The following TAFA2 variants were observed in gnomAD, a reference collection of about 807,000 sequenced individuals.
TAFA2 encodes chemokine-like protein TAFA-2.
A neutral mutation model predicts 18.8 loss-of-function variants in TAFA2; 7 were observed. The observed-to-expected ratio is 0.37, with a 90% CI of 0.21 to 0.70. TAFA2 has a LOEUF of 0.70. Among genes scored for constraint, TAFA2 ranks in the 30% least tolerant of loss-of-function variants. TAFA2 has a pLI of 0.53. For synonymous variants in TAFA2, 60 were observed against 54.2 expected (o/e 1.11, Z -0.47); for missense variants, 122 against 158.1 (o/e 0.77, Z 1.23).
At chr12:61,760,055 C>T (rs1408306866) in intron 2 of TAFA2, among the ~76,000 whole-genome samples, 1 of 141,490 alleles carries the variant, frequency 7.1e-6, no homozygotes, top group African/African-American at 2.6e-5. Context: ...CTGATAGATG[C>T]AGGGCTTTCC....
At chr12:62,239,346 T>TA (rs2062851475) in intron 1 of TAFA2, among the ~76,000 whole-genome samples, 2 of 152,242 alleles carry the variant, frequency 1.3e-5, no homozygotes, top group Non-Finnish European at 2.9e-5. Flanking sequence ...ACCTTATCTC[T>TA]GTATTTTAAC....
At chr12:61,795,653 C>T (rs1302005363) in intron 2 of TAFA2, among the ~76,000 whole-genome samples, 2 of 150,748 alleles carry the variant, frequency 1.3e-5, no homozygotes, top group Admixed American at 6.6e-5. Context: ...TGCAGCACAC[C>T]AACATGGCAC....
chr12:61,881,801 T>C (rs2121272749), intron 1 of TAFA2, among the ~76,000 whole-genome samples: 1 of 152,020 alleles, frequency 6.6e-6, no homozygotes, highest in South Asian at 2.1e-4. Context: ...TTAAAGAACA[T>C]TCTGCATGTC....
At chr12:62,255,989 G>C (rs2062936475) in intron 1 of TAFA2, among the ~76,000 whole-genome samples, 1 of 151,838 alleles carries the variant, frequency 6.6e-6, no homozygotes, top group African/African-American at 2.4e-5. Context: ...AAGAGGATAG[G>C]CCAGGCACGT....
intron 2 of TAFA2, among the ~76,000 whole-genome samples, chr12:61,768,937 G>C (rs1013704297): frequency 6.6e-6 from 1 of 152,022 alleles, no homozygotes; most frequent in Non-Finnish European, 1.5e-5. Context: ...AGGGAGGCTT[G>C]TATCCTGGGG....
intron 1 of TAFA2, among the ~76,000 whole-genome samples, chr12:61,958,583 CTTTA>C (rs1878777609): frequency 2.0e-5 from 3 of 151,684 alleles, no homozygotes; most frequent in Non-Finnish European, 1.5e-5. Flanking sequence ...TTAAGTATCT[CTTTA>C]TTTGTCTGTT....
chr12:61,807,800 TTGCATGGGGCC>T (rs1871688098), intron 2 of TAFA2, among the ~76,000 whole-genome samples: 1 of 151,478 alleles, frequency 6.6e-6, no homozygotes, highest in Non-Finnish European at 1.5e-5. Flanking sequence ...GATTTCGGAC[TTGCATGGGGCC>T]TGTAGCCCCT....
intron 2 of TAFA2, among the ~76,000 whole-genome samples, chr12:61,846,981 C>T (rs1873431754): frequency 6.6e-6 from 1 of 152,152 alleles, no homozygotes; most frequent in Non-Finnish European, 1.5e-5. Flanking sequence ...ACTTCCCACA[C>T]AGGTTCCTCA....
chr12:62,071,088 G>C (rs1486237738), intron 1 of TAFA2, among the ~76,000 whole-genome samples: 1 of 152,212 alleles, frequency 6.6e-6, no homozygotes, highest in Non-Finnish European at 1.5e-5. Context: ...ACAGTTCTGA[G>C]TACTGTGAAT....
intron 1 of TAFA2, among the ~76,000 whole-genome samples, chr12:62,013,890 C>G (rs927979646): frequency 6.6e-6 from 1 of 152,092 alleles, no homozygotes; most frequent in African/African-American, 2.4e-5. Flanking sequence ...GGTATAATGG[C>G]AACAGGTTCT....
intron 2 of TAFA2, among the ~76,000 whole-genome samples, chr12:61,782,273 T>C (rs1870538426): frequency 6.6e-6 from 1 of 151,704 alleles, no homozygotes; most frequent in African/African-American, 2.4e-5. Flanking sequence ...TGATAAAGAC[T>C]ATGTTTGATA....
chr12:61,970,537 G>A (rs1879212394), intron 1 of TAFA2, among the ~76,000 whole-genome samples: 1 of 105,978 alleles, frequency 9.4e-6, no homozygotes, highest in South Asian at 3.1e-4. Flanking sequence ...ATTTTCAGAA[G>A]TTATAATCTT....
At chr12:61,939,055 GCTA>G (rs1224404123) in intron 1 of TAFA2, among the ~76,000 whole-genome samples, 1 of 152,100 alleles carries the variant, frequency 6.6e-6, no homozygotes, top group East Asian at 1.9e-4. Context: ...TACCCCAAAA[GCTA>G]CTGAATTCTT....
At chr12:62,153,921 A>ATTATGTTTTGTTATGTTATG (rs2062348392) in intron 1 of TAFA2, among the ~76,000 whole-genome samples, 1 of 124,024 alleles carries the variant, frequency 8.1e-6, no homozygotes, top group Non-Finnish European at 1.7e-5. Flanking sequence ...ACATAACAAA[A>ATTATGTTTTGTTATGTTATG]TTATGTTATG....
intron 4 of TAFA2, among the ~76,000 whole-genome samples, chr12:61,740,784 C>T (rs550106654): frequency 4.0e-4 from 61 of 150,746 alleles, no homozygotes; most frequent in African/African-American, 1.4e-3. Flanking sequence ...AGAACCTCAA[C>T]AAAATAATCC....
At chr12:62,111,889 G>A (rs1043256141) in intron 1 of TAFA2, among the ~76,000 whole-genome samples, 10 of 152,064 alleles carry the variant, frequency 6.6e-5, no homozygotes, top group African/African-American at 1.2e-4. Context: ...GTCTTTGCAC[G>A]TGAGATAGGT....
chr12:62,259,542 C>A (rs1156367047), upstream of TAFA2: 1 of 152,214 alleles, frequency 6.6e-6, no homozygotes, highest in Non-Finnish European at 1.5e-5. Context: ...TATTTTGTAA[C>A]ATAATCGTTG....
chr12:61,804,995 T>A (rs2120984201), intron 2 of TAFA2, among the ~76,000 whole-genome samples: 1 of 152,090 alleles, frequency 6.6e-6, no homozygotes, highest in South Asian at 2.1e-4. Flanking sequence ...CAAAGCAAGC[T>A]TTGCTATACT....
chr12:61,842,369 GT>G (rs1332218233), intron 2 of TAFA2, among the ~76,000 whole-genome samples: 1 of 151,696 alleles, frequency 6.6e-6, no homozygotes, highest in Non-Finnish European at 1.5e-5. Context: ...AGATCAGCAT[GT>G]TTTTTTATTT....
Sources: gnomAD v4.1 joint callset for allele counts (sites outside exome capture counted in the v4.1 genomes callset) on GRCh38, gnomAD v4.1.1 for gene constraint, MANE v1.5 for transcripts, NCBI Gene and HGNC (gene_info 2026-07-23, HGNC 2026-07-21) for gene names.